ACE: variants seen among roughly 807,000 people sequenced by gnomAD.
ACE encodes angiotensin I converting enzyme.
A neutral mutation model predicts 162.3 loss-of-function variants in ACE; 122 were observed. The ratio of observed to expected loss-of-function variants is 0.75; its 90% CI spans 0.65 to 0.87. The LOEUF is 0.87. Ranked by LOEUF, ACE falls within the 40% of genes least tolerant of loss-of-function variation. The pLI is 0.00. For synonymous variants in ACE, 796 were observed against 720.6 expected, an observed-to-expected ratio of 1.10 and a Z score of -1.68; for missense variants, 1,799 against 1,735.1, an observed-to-expected ratio of 1.04 and a Z score of -0.65.
Position 63,497,415 on chromosome 17 carries a change from G to A in ACE, c.*49G>A. The stretch of plus-strand genomic sequence containing the variant: ...GCCCAAGGGCCTCCCACCAGAGACT[G>A]GGATGGGAACACTGGTGGGCAGCTG... On this transcript the variant is annotated 3_prime_UTR_variant, in exon 25 of 25. Coordinates refer to ENST00000290866, the MANE Select transcript of ACE (RefSeq NM_000789.4). 1 of 1,492,714 alleles carries A rather than the reference G, an allele frequency of 6.7e-7. No individual in the cohort carries two copies. Among genetic ancestry groups the A allele is most frequent in the Non-Finnish European group, 9.1e-7 (1 of 1,099,224 alleles). The allele number at this position is 1,492,714 out of a possible 1,614,324, so 92.5% of individuals were successfully genotyped here. A position where few individuals can be genotyped will look rare whatever the true frequency, so the allele number is the denominator to read the frequency against.
chr17:63,477,498 C>G (rs1282128094), intron 1 of ACE, 155 bp downstream of exon 1: 1 of 474,432 alleles, frequency 2.1e-6, no homozygotes, highest in African/African-American at 2.1e-5. Flanking sequence ...GGCCCGAGCG[C>G]CGGGCTGCGC....
chr17:63,481,632 A>G lies in ACE; in HGVS notation c.1012A>G (p.Met338Val), dbSNP rs1414191617. 3.7e-6 allele frequency: 6 copies of G among 1,613,774 alleles called. No homozygotes were observed. Among genetic ancestry groups the G allele is most frequent in the African/African-American group, 2.7e-5 (2 of 74,850 alleles). ...CTTCACCTCCCTGGAGCTCTCCCCC[A>G]TGCCTCCCGAGTTCTGGGAAGGGTC... ...EFFTSLELSPMPPEFWEGSML... is the reference protein window; with the variant it reads ...EFFTSLELSPVPPEFWEGSML... Residue 338 changes from methionine (M) to valine (V), a missense_variant, in exon 7 of 25, where the codon ATG becomes GTG. Physicochemically the swap from Met to Val is conservative, Grantham distance 21 (BLOSUM62 1). Coordinates refer to ENST00000290866, the MANE Select transcript of ACE (RefSeq NM_000789.4).
In ACE at chr17:63,494,018, A is replaced by G. The variant is rs375039288; in HGVS notation, c.3233A>G (p.Asp1078Gly). ...LVDQWRWRVF[D>G]GSITKENYNQ... ...GATCAGTGGCGCTGGAGGGTATTTGATGGAAGCATCACCAAGGAGAACTAT... is the reference window on the plus strand; with the variant it reads ...GATCAGTGGCGCTGGAGGGTATTTGGTGGAAGCATCACCAAGGAGAACTAT... Residue 1078 changes from aspartate to glycine, a missense_variant, in exon 21 of 25, where the codon GAT becomes GGT. Coordinates refer to ENST00000290866, the MANE Select transcript of ACE (RefSeq NM_000789.4). The G allele has an allele frequency of 8.1e-6, 13 of 1,613,894 alleles. No individual in the cohort carries two copies. The African/African-American group carries it at 1.3e-4, about 17-fold the overall frequency.
chr17:63,489,229 G>A (rs771166736), intron 17 of ACE, 97 bp downstream of exon 17: 181 of 1,434,162 alleles, frequency 1.3e-4, no homozygotes, highest in Non-Finnish European at 1.6e-4. Flanking sequence ...AGCAGGCTGG[G>A]GACTGAGAGA....
In ACE at chr17:63,483,483, CT is replaced by C; in HGVS notation, c.1512del (p.Pro505LeufsTer20). On this transcript the variant is annotated frameshift_variant, in exon 10 of 25. Coordinates refer to ENST00000290866, the MANE Select transcript of ACE (RefSeq NM_000789.4). LOFTEE classifies it high-confidence loss of function. Reference sequence around the variant, plus strand: ...AGAACCAAGTATCAGGGGATCTGTCCTCCTGTTACCCGAAACGAAACCCACT... The same window carrying C: ...AGAACCAAGTATCAGGGGATCTGTCCCCTGTTACCCGAAACGAAACCCACT... ...YLRTKYQGIC[P>X]PVTRNETHFD... 1 of 1,614,016 alleles carries C rather than the reference CT, an allele frequency of 6.2e-7. No individual in the cohort carries two copies. Among genetic ancestry groups the C allele is most frequent in the Non-Finnish European group, 8.5e-7 (1 of 1,179,976 alleles).
In ACE at chr17:63,497,360, C is replaced by A; in HGVS notation, c.3915C>A (p.His1305Gln). 6.5e-7 allele frequency: 1 copy of A among 1,548,476 alleles called. No homozygotes were observed. The highest frequency in any genetic ancestry group is 8.7e-7 in the Non-Finnish European group (1 of 1,146,848). ...TCGGCTCCGAGGTGGAGCTGAGACACTCCTGAGGTGACCCGGCTGGGTCGG... is the reference window on the plus strand; with the variant it reads ...TCGGCTCCGAGGTGGAGCTGAGACAATCCTGAGGTGACCCGGCTGGGTCGG... ...PQFGSEVELR[H>Q]S Residue 1305 changes from histidine to glutamine, a missense_variant, in exon 25 of 25, where the codon CAC (histidine) becomes CAA (glutamine). His to Gln is a conservative substitution (Grantham distance 24). Coordinates refer to ENST00000290866, the MANE Select transcript of ACE (RefSeq NM_000789.4).
In ACE at chr17:63,477,977, A is replaced by G; in HGVS notation, c.296A>G (p.Gln99Arg). ...CAGGAGTTTGCGGAGGCCTGGGGCC[A>G]GAAGGCCAAGGAGCTGTATGAACCG... ...LSQEFAEAWGQKAKELYEPIW... is the reference protein window; with the variant it reads ...LSQEFAEAWGRKAKELYEPIW... Residue 99 changes from glutamine to arginine, a missense_variant, in exon 2 of 25, where the codon CAG becomes CGG. Coordinates refer to ENST00000290866, the MANE Select transcript of ACE (RefSeq NM_000789.4). 1.2e-6 allele frequency: 2 copies of G among 1,612,374 alleles called. No individual in the cohort carries two copies. The highest frequency in any genetic ancestry group is 1.1e-5 in the South Asian group (1 of 90,754).
intron 1 of ACE, 95 bp downstream of exon 1, chr17:63,477,438 A>T: frequency 5.9e-6 from 6 of 1,013,966 alleles, no homozygotes; most frequent in Non-Finnish European, 7.3e-6. Flanking sequence ...GGCGCCCCCG[A>T]CCCGAACCCC....
chr17:63,493,310 G>T, intron 19 of ACE, 126 bp from the exon 20 acceptor site: 1 of 886,002 alleles, frequency 1.1e-6, no homozygotes, highest in South Asian at 1.5e-5. Context: ...TCCCCACAGT[G>T]CTGTGTCCCC....
intron 3 of ACE, 118 bp from the exon 4 acceptor site, chr17:63,479,651 G>A: frequency 1.4e-6 from 2 of 1,383,044 alleles, no homozygotes; most frequent in Non-Finnish European, 2.0e-6. Context: ...GTCTCTGGGG[G>A]CACCGTGATG....
rs2049746111 is a variant in ACE at position 63,483,392 on chromosome 17, T to C, written c.1488-68T>C. Reference sequence around the variant, plus strand: ...AGGGTTGCCGGGTGGAAATGCCTTTTCTACAAAAGTTAAATCCATCTGTTT... The same window carrying C: ...AGGGTTGCCGGGTGGAAATGCCTTTCCTACAAAAGTTAAATCCATCTGTTT... On this transcript the variant is annotated intron_variant, in intron 9 of 24. Transcript: ENST00000290866. The C allele has an allele frequency of 2.0e-6, 3 of 1,521,342 alleles. No individual in the cohort carries two copies. The Admixed American group carries it at 5.0e-5, about 25-fold the overall frequency. The allele number at this position is 1,521,342 out of a possible 1,614,324, so 94.2% of individuals were successfully genotyped here.
rs377550847 is a variant in ACE at position 63,493,599 on chromosome 17, G to T, written c.3076G>T (p.Val1026Leu). ...EAIGDVLALSVSTPKHLHSLN... is the reference protein window; with the variant it reads ...EAIGDVLALSLSTPKHLHSLN... ...CATTGGGGACGTGCTAGCCCTCTCA[G>T]TGTCTACGCCCAAGCACCTGCACAG... is the stretch of plus-strand genomic sequence containing the variant. The change falls in exon 20 of 25, where the codon GTG (valine) becomes TTG (leucine). Residue 1026 changes from valine (V) to leucine (L), a missense_variant. Val to Leu is a conservative substitution (Grantham distance 32, BLOSUM62 1). Coordinates refer to ENST00000290866, the MANE Select transcript of ACE (RefSeq NM_000789.4). 6.2e-7 allele frequency: 1 copy of T among 1,614,204 alleles called. No homozygotes were observed. The highest frequency in any genetic ancestry group is 2.2e-5 in the East Asian group (1 of 44,884).
rs540539956 is a variant in ACE at position 63,491,594 on chromosome 17, G to T, written c.2912+213G>T. 4.6e-5 allele frequency among the ~76,000 whole-genome samples: 7 copies of T among 152,316 alleles called. No homozygotes were observed. Among genetic ancestry groups the T allele is most frequent in the Non-Finnish European group, 8.8e-5 (6 of 68,024 alleles). ...GACTTCTGAAGCACGCAACAGCTCT[G>T]TCAGCCTGGCCGCTGGGAAGTGCTC... On this transcript the variant is annotated intron_variant, in intron 19 of 24. Transcript: ENST00000290866. The surrounding 1 kb of genome is among the most constrained non-coding windows in gnomAD (Gnocchi z 4.4).
chr17:63,494,189 C>T, intron 21 of ACE, 123 bp downstream of exon 21: 1 of 1,384,982 alleles, frequency 7.2e-7, no homozygotes, highest in Admixed American at 1.9e-5. Flanking sequence ...TGTGTCTGTG[C>T]ATATGATGTG....
chr17:63,480,446 T>C lies in ACE; in HGVS notation c.765T>C (p.His255=), dbSNP rs1292061859. The C allele has an allele frequency of 6.2e-7, 1 of 1,614,126 alleles. No homozygotes were observed. The highest frequency in any genetic ancestry group is 8.5e-7 in the Non-Finnish European group (1 of 1,180,014). Residue 255 remains histidine (H), a synonymous_variant, in exon 5 of 25, where the codon CAT becomes CAC. Transcript: ENST00000290866. ...TAGAGCCCCTCTACCTGAACCTCCA[T>C]GCCTTCGTCCGCCGCGCACTGCATC... ...QQLEPLYLNL[H]AFVRRALHRR...
rs535323209 is a variant in ACE, at chr17:63,478,927, G to A, written c.418-80G>A. 3 of 1,222,958 alleles carry A rather than the reference G, an allele frequency of 2.5e-6. No individual in the cohort carries two copies. In the African/African-American group the frequency reaches 4.5e-5, roughly 18 times the overall value. 75.8% of individuals were successfully genotyped at this position (1,222,958 alleles called of 1,614,324 possible). ...TGTCCAAGCTACATCCACTCTGTGG[G>A]CTCCTCCTTCTAGCAGCGAGGGGAG... On this transcript the variant is annotated intron_variant, in intron 2 of 24. Transcript: ENST00000290866.
At position 63,496,975 on chromosome 17, in the gene ACE, G is replaced by A. The variant is rs751171602; in HGVS notation, c.3681G>A (p.Thr1227=). 2.4e-5 allele frequency: 38 copies of A among 1,610,748 alleles called. No individual in the cohort carries two copies. The highest frequency in any genetic ancestry group is 6.6e-5 in the South Asian group (6 of 90,730). The change falls in exon 24 of 25, where the codon ACG becomes ACA. Residue 1227 remains threonine, a synonymous_variant. Coordinates refer to ENST00000290866, the MANE Select transcript of ACE (RefSeq NM_000789.4). ...TGGGCTGGCCGCAGTACAACTGGAC[G>A]CCGAACTCCGGTACCGCCACCCACC... is the stretch of plus-strand genomic sequence containing the variant. ...EKLGWPQYNW[T]PNSARSEGPL... is the part of the protein sequence containing the mutation.
At chr17:63,493,271 G>A (rs551861363) in intron 19 of ACE, among the ~76,000 whole-genome samples, 165 bp from the exon 20 acceptor site, 10 of 152,222 alleles carry the variant, frequency 6.6e-5, no homozygotes, top group South Asian at 4.2e-4. Context: ...TCCCTCTTAC[G>A]CACACTCAGT....
chr17:63,478,038 G>T lies in ACE; in HGVS notation c.357G>T (p.Arg119Ser). 1 of 1,606,442 alleles carries T rather than the reference G, an allele frequency of 6.2e-7. No homozygotes were observed. Among genetic ancestry groups the T allele is most frequent in the East Asian group, 2.2e-5 (1 of 44,566 alleles). ...ACTTCACGGACCCGCAGCTGCGCAG[G>T]ATCATCGGAGCTGTGCGCACCCTGG... ...WQNFTDPQLR[R>S]IIGAVRTLGS... is the part of the protein sequence containing the mutation. Residue 119 changes from arginine (R) to serine (S), a missense_variant, in exon 2 of 25, where the codon AGG becomes AGT. By Grantham distance (110) the Arg-to-Ser change is moderately radical. Transcript: ENST00000290866.
Sources: allele counts gnomAD v4.1 joint callset (sites outside exome capture counted in the v4.1 genomes callset), GRCh38; gene constraint gnomAD v4.1.1; non-coding constraint Gnocchi (gnomAD v3.1); transcripts MANE v1.5; gene names NCBI Gene and HGNC (gene_info 2026-07-23, HGNC 2026-07-21).